Variants in POTEE observed in about 807,000 individuals in gnomAD.
POTEE encodes the protein ANKRD26-like family C member 1A.
A neutral mutation model predicts 74.2 loss-of-function variants in POTEE; 21 were observed. That is an observed-to-expected ratio of 0.28 (90% confidence interval 0.20 to 0.41). The LOEUF (loss-of-function observed/expected upper bound fraction) is 0.41. POTEE is among the 10% of genes least tolerant of loss of function. The pLI is 1.00. For synonymous variants in POTEE, 211 were observed against 432.8 expected (o/e 0.49, Z 6.36); for missense variants, 525 against 1,158.6 (o/e 0.45, Z 7.94).
At chr2:131,226,702 G>A (rs7603483) in intron 6 of POTEE, 121 bp from the exon 7 acceptor site, 2 of 1,486,504 alleles carry the variant, frequency 1.3e-6, no homozygotes, top group Non-Finnish European at 1.8e-6. Flanking sequence ...AAGGAAGCGA[G>A]TACATTTTAT....
At position 131,218,332 on chromosome 2, in the gene POTEE, C is replaced by T. The variant is rs934515396; in HGVS notation, c.-71C>T. 3.1e-5 allele frequency: 49 copies of T among 1,601,016 alleles called. No individual in the cohort carries two copies. In the African/African-American group the frequency reaches 6.3e-4, roughly 21 times the overall value. ...CAGATTGGAAACCCGGAGTTACCTG[C>T]TAGTTGGTGAAACTGGTTGGTAGAC... On this transcript the variant is annotated 5_prime_UTR_variant, in exon 4 of 18. Transcript: ENST00000683005.
chr2:131,219,726 G>A (rs1344637468), intron 4 of POTEE, among the ~76,000 whole-genome samples: 1 of 150,168 alleles, frequency 6.7e-6, no homozygotes. Context: ...GACAGAGCGA[G>A]ACTCCCTTTC....
At chr2:131,222,886 C>T (rs962039516) in intron 4 of POTEE, among the ~76,000 whole-genome samples, 12 of 151,876 alleles carry the variant, frequency 7.9e-5, no homozygotes, top group Admixed American at 1.3e-4. Flanking sequence ...GGAACCGCCC[C>T]GGACCTGTTA....
chr2:131,235,563 G>A (rs1375608663), intron 9 of POTEE, among the ~76,000 whole-genome samples: 3 of 151,878 alleles, frequency 2.0e-5, no homozygotes. Flanking sequence ...TGGGAGGCTG[G>A]AGCAGGCAGA....
chr2:131,219,592 C>T (rs181265905), intron 4 of POTEE, among the ~76,000 whole-genome samples: 37 of 152,224 alleles, frequency 2.4e-4, no homozygotes, highest in Admixed American at 1.2e-3. Flanking sequence ...AAAAAATTAG[C>T]TGGGTGCGGT....
chr2:131,235,560 C>T (rs527519628), intron 9 of POTEE, among the ~76,000 whole-genome samples: 8 of 151,962 alleles, frequency 5.3e-5, no homozygotes, highest in African/African-American at 1.9e-4. Context: ...TTTTGGGAGG[C>T]TGGAGCAGGC....
intron 7 of POTEE, 44 bp downstream of exon 7, chr2:131,226,973 G>A: frequency 6.2e-7 from 1 of 1,605,320 alleles, no homozygotes; most frequent in Non-Finnish European, 8.5e-7. Context: ...ATGGACAGCA[G>A]TCACTCAAGT....
intron 3 of POTEE, among the ~76,000 whole-genome samples, 90 bp downstream of exon 3, chr2:131,217,773 GCCGCACGCGCA>G: frequency 8.2e-6 from 1 of 122,698 alleles, no homozygotes; most frequent in South Asian, 2.5e-4. Flanking sequence ...GCACGCGCAC[GCCGCACGCGCA>G]CGCGCACGCC....
At chr2:131,230,178 T>A (rs984841971) in intron 8 of POTEE, among the ~76,000 whole-genome samples, 4 of 152,172 alleles carry the variant, frequency 2.6e-5, no homozygotes, top group South Asian at 2.1e-4. Flanking sequence ...TATTTATGAA[T>A]AAATTTAGTT....
In POTEE at chr2:131,211,135, G is replaced by A. The variant is rs62177510; in HGVS notation, c.-237G>A. On this transcript the variant is annotated 5_prime_UTR_variant, in exon 2 of 18. Transcript: ENST00000683005. ...TGCATGTGGCGTGACTCTGCAGCTC[G>A]CCTCGTGTGACTGATGGCAGCCACG... Among the ~76,000 whole-genome samples, 3,365 of 151,886 alleles carry A rather than the reference G, an allele frequency of 0.022. 41 individuals carry two copies. The highest frequency in any genetic ancestry group is 0.035 in the Admixed American group (531 of 15,282).
intron 3 of POTEE, 71 bp from the exon 4 acceptor site, chr2:131,218,239 G>C (rs1394014182): frequency 1.6e-6 from 2 of 1,227,458 alleles, no homozygotes; most frequent in East Asian, 5.1e-5. Context: ...CCCTGGGTGG[G>C]GTGGGCTGGG....
At chr2:131,256,901 G>A (rs527760365) in intron 16 of POTEE, among the ~76,000 whole-genome samples, 2 of 152,430 alleles carry the variant, frequency 1.3e-5, no homozygotes, top group Non-Finnish European at 2.9e-5. Context: ...ACATACCAGG[G>A]ATGCTCTCTA....
rs1466926465 is a variant in POTEE, at chr2:131,221,246, A to T, written c.521+2323A>T. Reference sequence around the variant, plus strand: ...ACCCATATAAAGATTTCATGGACAAATTTCAGTGCATCCATAGGATGGACT... The same window carrying T: ...ACCCATATAAAGATTTCATGGACAATTTTCAGTGCATCCATAGGATGGACT... On this transcript the variant is annotated intron_variant, in intron 4 of 17. Coordinates refer to ENST00000683005, the MANE Select transcript of POTEE (RefSeq NM_001083538.3). Among the ~76,000 whole-genome samples, 3 of 152,074 alleles carry T rather than the reference A, an allele frequency of 2.0e-5. 1 individual carries two copies. In the East Asian group the frequency reaches 5.8e-4, roughly 29 times the overall value.
At chr2:131,210,143 GGCA>G (rs1396292533) in intron 1 of POTEE, among the ~76,000 whole-genome samples, 19 of 147,524 alleles carry the variant, frequency 1.3e-4, no homozygotes, top group African/African-American at 4.9e-4. Flanking sequence ...CTACAATGCT[GGCA>G]GCGGGGGGTG....
intron 8 of POTEE, chr2:131,229,496 C>T (rs1388360424): frequency 6.6e-6 from 1 of 152,228 alleles, no homozygotes; most frequent in Admixed American, 6.5e-5. Context: ...AACTCTAGCT[C>T]ACAGGAAGCC....
In POTEE at chr2:131,259,323, CAT is replaced by C. The variant is rs544635500; in HGVS notation, c.1779-2400_1779-2399del. ...ATATTGTGAATTGTGCTGCAGTAAA[CAT>C]ATGTATGCGGGTGTCCTTTTGAGAG... On this transcript the variant is annotated intron_variant, in intron 16 of 17. Coordinates refer to ENST00000683005, the MANE Select transcript of POTEE (RefSeq NM_001083538.3). Among the ~76,000 whole-genome samples the C allele has an allele frequency of 1.4e-3, 202 of 145,854 alleles. 5 individuals carry two copies. The highest frequency in any genetic ancestry group is 5.1e-3 in the African/African-American group (193 of 37,720).
At chr2:131,236,232 T>G (rs1701129577) in intron 9 of POTEE, among the ~76,000 whole-genome samples, 1 of 152,112 alleles carries the variant, frequency 6.6e-6, no homozygotes. Flanking sequence ...GGGGAGACAG[T>G]AAAGGATTTT....
In POTEE at chr2:131,264,520, C is replaced by CTAG; in HGVS notation, c.3066_3068dup (p.Ser1023dup). ...CAGAAGGAGATCGCTGCCCTGGCGC[C>CTAG]TAGCATGATGAAGATCAGGATCATT... On this transcript the variant is annotated inframe_insertion, in exon 18 of 18. Coordinates refer to ENST00000683005, the MANE Select transcript of POTEE (RefSeq NM_001083538.3). 7.8e-7 allele frequency: 1 copy of CTAG among 1,280,682 alleles called. No individual in the cohort carries two copies. Among genetic ancestry groups the CTAG allele is most frequent in the Non-Finnish European group, 1.1e-6 (1 of 918,644 alleles). The allele number at this position is 1,280,682 out of a possible 1,614,324, so 79.3% of individuals were successfully genotyped here. A position where few individuals can be genotyped will look rare whatever the true frequency, so the allele number is the denominator to read the frequency against.
chr2:131,263,000 A>T (rs1378618339), intron 17 of POTEE, among the ~76,000 whole-genome samples: 1 of 151,904 alleles, frequency 6.6e-6, no homozygotes, highest in African/African-American at 2.4e-5. Flanking sequence ...TATTAATCTT[A>T]TATTTTATGC....
Sources: allele counts gnomAD v4.1 joint callset (sites outside exome capture counted in the v4.1 genomes callset), GRCh38; gene constraint gnomAD v4.1.1; transcripts MANE v1.5; gene names NCBI Gene and HGNC (gene_info 2026-07-23, HGNC 2026-07-21).